The following SCARB2 variants were observed in gnomAD, a reference collection of about 807,000 sequenced individuals.
SCARB2 encodes the protein scavenger receptor class B member 2.
In SCARB2, 29 loss-of-function variants were observed where a neutral mutation model predicts 58.6. The observed-to-expected ratio is 0.49, with a 90% confidence interval of 0.37 to 0.67. SCARB2 has a LOEUF of 0.67. Among genes scored for constraint, SCARB2 ranks in the 30% least tolerant of loss-of-function variants. SCARB2 has a pLI of 0.00. For missense variants in SCARB2, 488 were observed against 578.5 expected, an observed-to-expected ratio of 0.84 and a Z score of 1.60; for synonymous variants, 195 against 210.1, an observed-to-expected ratio of 0.93 and a Z score of 0.62.
chr4:76,216,540 CTT>C (rs1417455478), upstream of SCARB2, among the ~76,000 whole-genome samples: 2 of 152,184 alleles, frequency 1.3e-5, no homozygotes, highest in Non-Finnish European at 2.9e-5. Flanking sequence ...CTTCTTCTCT[CTT>C]GTCTGGGCCA....
upstream of SCARB2, among the ~76,000 whole-genome samples, chr4:76,216,571 G>A (rs1442450602): frequency 6.6e-6 from 1 of 152,204 alleles, no homozygotes. Context: ...GTAACAGACT[G>A]TGGGGATGGA....
At chr4:76,233,861 T>G (rs989995499) in intron 1 of SCARB2, among the ~76,000 whole-genome samples, 1 of 151,716 alleles carries the variant, frequency 6.6e-6, no homozygotes, top group African/African-American at 2.4e-5. Flanking sequence ...GATAGTTGGT[T>G]GGGGGGGGCT....
At chr4:76,215,631 A>T (rs1733192318), upstream of SCARB2, among the ~76,000 whole-genome samples, 1 of 152,186 alleles carries the variant, frequency 6.6e-6, no homozygotes, top group Non-Finnish European at 1.5e-5. Context: ...GGAACTTCTG[A>T]AGCTAGATCA....
At position 76,161,929 on chromosome 4, in the gene SCARB2, A is replaced by T. The variant is rs3755890; in HGVS notation, c.1399-178T>A. ...TGTTCTTGAAGATTCAGCAGGCCTA[A>T]CCTTTCCAGGAGGCCTTCTCTGACC... On this transcript the variant is annotated intron_variant, in intron 11 of 11. Transcript: ENST00000264896. The T allele has an allele frequency of 0.1, 67,763 of 669,840 alleles. 4,753 individuals carry two copies. The highest frequency in any genetic ancestry group is 0.23 in the East Asian group (8,508 of 36,562). The allele number at this position is 669,840 out of a possible 1,614,324, so 41.5% of individuals were successfully genotyped here.
intron 1 of SCARB2, among the ~76,000 whole-genome samples, chr4:76,199,535 G>A (rs543220457): frequency 1.6e-4 from 24 of 152,232 alleles, no homozygotes; most frequent in African/African-American, 5.5e-4. Flanking sequence ...CTGATACATC[G>A]GACTGAACCG....
intron 4 of SCARB2, among the ~76,000 whole-genome samples, chr4:76,178,540 A>C (rs1285971754): frequency 6.6e-6 from 1 of 152,210 alleles, no homozygotes; most frequent in South Asian, 2.1e-4. Context: ...TTTGCATAAT[A>C]TCTCTCAGTA....
intron 1 of SCARB2, among the ~76,000 whole-genome samples, chr4:76,225,550 A>C (rs1410066623): frequency 1.3e-5 from 2 of 152,170 alleles, no homozygotes; most frequent in Non-Finnish European, 2.9e-5. Flanking sequence ...TATTACCTTA[A>C]GGTATGCCCC....
chr4:76,188,622 T>C (rs768454866), intron 2 of SCARB2, among the ~76,000 whole-genome samples: 1 of 152,134 alleles, frequency 6.6e-6, no homozygotes, highest in Non-Finnish European at 1.5e-5. Flanking sequence ...TGGCATACAA[T>C]TGATGGAGTC....
intron 1 of SCARB2, among the ~76,000 whole-genome samples, chr4:76,219,526 G>A (rs906325208): frequency 1.3e-5 from 2 of 152,268 alleles, no homozygotes; most frequent in Non-Finnish European, 1.5e-5. Context: ...TAAACAACAC[G>A]AGAGGTCACA....
chr4:76,181,279 AAACGAGGCCTAGG>A (rs1732378630), intron 2 of SCARB2, among the ~76,000 whole-genome samples, 178 bp from the exon 3 acceptor site: 2 of 152,234 alleles, frequency 1.3e-5, no homozygotes, highest in South Asian at 4.1e-4. Context: ...TGTGGGAAGG[AAACGAGGCCTAGG>A]ATAGAGTCTT....
At chr4:76,198,053 C>T (rs796403022) in intron 1 of SCARB2, among the ~76,000 whole-genome samples, 4 of 152,154 alleles carry the variant, frequency 2.6e-5, no homozygotes, top group South Asian at 2.1e-4. Flanking sequence ...GCCTCAGCTG[C>T]GGTCTGCTCT....
intron 1 of SCARB2, among the ~76,000 whole-genome samples, chr4:76,198,841 AGT>A (rs10545527): frequency 0.17 from 23,977 of 140,644 alleles, 1,987 homozygotes; most frequent in East Asian, 0.33. Flanking sequence ...AGAGTGAGTG[AGT>A]GTGTGTGTGT....
At chr4:76,161,836 G>A in intron 11 of SCARB2, 85 bp from the exon 12 acceptor site, 1 of 1,313,082 alleles carries the variant, frequency 7.6e-7, no homozygotes, top group Non-Finnish European at 1.1e-6. Context: ...GGGAGTGGGG[G>A]CATGGAAGGA....
At chr4:76,188,881 A>G (rs150683830) in intron 2 of SCARB2, among the ~76,000 whole-genome samples, 1 of 152,224 alleles carries the variant, frequency 6.6e-6, no homozygotes, top group Non-Finnish European at 1.5e-5. Context: ...AGCAGCCTGC[A>G]CTGCACATAT....
In SCARB2 at chr4:76,207,734, C is replaced by T. The variant is rs146242502; in HGVS notation, c.117+5693G>A. ...GTTTTCATCAATGAGCTTATAATTC[C>T]ACCTCCTGATTCTTCCTGGGAAATA... On this transcript the variant is annotated intron_variant, in intron 1 of 11. Transcript: ENST00000264896. 3.9e-4 allele frequency among the ~76,000 whole-genome samples: 59 copies of T among 152,276 alleles called. No homozygotes were observed. The East Asian group carries it at 0.01, about 26-fold the overall frequency.
In SCARB2 at chr4:76,159,220, T is replaced by C. The variant is rs550501680; in HGVS notation, c.*2493A>G. 1 of 152,354 alleles carries C rather than the reference T, an allele frequency of 6.6e-6. No individual in the cohort carries two copies. Among genetic ancestry groups the C allele is most frequent in the Non-Finnish European group, 1.5e-5 (1 of 68,032 alleles). 9.4% of individuals were successfully genotyped at this position (152,354 alleles called of 1,614,324 possible). A position where few individuals can be genotyped will look rare whatever the true frequency, so the allele number is the denominator to read the frequency against. ...ACCAGAAGCTTGCATTCTGTGATCATGACAGTGCTTACAATCACAAAGCCT... is the reference window on the plus strand; with the variant it reads ...ACCAGAAGCTTGCATTCTGTGATCACGACAGTGCTTACAATCACAAAGCCT... On this transcript the variant is annotated 3_prime_UTR_variant, in exon 12 of 12. Transcript: ENST00000264896.
intron 1 of SCARB2, among the ~76,000 whole-genome samples, chr4:76,205,277 G>A (rs1314482548): frequency 1.3e-5 from 2 of 152,132 alleles, no homozygotes; most frequent in Non-Finnish European, 2.9e-5. Flanking sequence ...AGTGAGCCAT[G>A]GTAGTGGCAC....
chr4:76,158,893 A>C lies in SCARB2; in HGVS notation c.*2820T>G, dbSNP rs1731837136. The C allele has an allele frequency of 6.6e-6, 1 of 152,240 alleles. No homozygotes were observed. The highest frequency in any genetic ancestry group is 2.1e-4 in the South Asian group (1 of 4,828). The allele number at this position is 152,240 out of a possible 1,614,324, so 9.4% of individuals were successfully genotyped here. A position where few individuals can be genotyped will look rare whatever the true frequency, so the allele number is the denominator to read the frequency against. ...TAACAGGCACAAGCAATTTAGTGAT[A>C]ATGTCCAGAGGGCCAAGGATGCGGA... On this transcript the variant is annotated 3_prime_UTR_variant, in exon 12 of 12. Coordinates refer to ENST00000264896, the MANE Select transcript of SCARB2 (RefSeq NM_005506.4).
chr4:76,180,893 T>C (rs1229745894), intron 3 of SCARB2, 61 bp downstream of exon 3: 1 of 1,457,092 alleles, frequency 6.9e-7, no homozygotes, highest in Non-Finnish European at 9.5e-7. Flanking sequence ...ATAAAGAGCA[T>C]TAACTTAGCT....
Sources: gnomAD v4.1 joint callset for allele counts (sites outside exome capture counted in the v4.1 genomes callset) on GRCh38, gnomAD v4.1.1 for gene constraint, MANE v1.5 for transcripts, NCBI Gene and HGNC (gene_info 2026-07-23, HGNC 2026-07-21) for gene names.